Variants in SLC4A10 observed in about 807,000 individuals in gnomAD.
SLC4A10 encodes the protein solute carrier family 4 member 10.
In SLC4A10, 42 loss-of-function variants were observed where a neutral mutation model predicts 137.7. The observed-to-expected ratio is 0.30, with a 90% confidence interval of 0.24 to 0.39. The LOEUF (loss-of-function observed/expected upper bound fraction) is 0.39. SLC4A10 is among the 10% of genes least tolerant of loss of function. The probability of loss-of-function intolerance (pLI) is 1.00; values close to 1 mark genes in which losing one functional copy is unlikely to be tolerated. For missense variants in SLC4A10, 925 were observed against 1,355.0 expected, an observed-to-expected ratio of 0.68 and a Z score of 4.98; for synonymous variants, 474 against 464.1, an observed-to-expected ratio of 1.02 and a Z score of -0.27.
rs183993722 is a variant in SLC4A10, at chr2:161,687,048, A to T, written c.48+62482A>T. On this transcript the variant is annotated intron_variant, in intron 1 of 26. Transcript: ENST00000446997. ...AGGCACACGCCACCATGCCCAGCAA[A>T]TTTTTTTTATTTTTAGGAGACACAG... Among the ~76,000 whole-genome samples the T allele has an allele frequency of 6.8e-3, 1,033 of 151,814 alleles. 11 individuals carry two copies. The highest frequency in any genetic ancestry group is 0.023 in the African/African-American group (965 of 41,406).
intron 1 of SLC4A10, among the ~76,000 whole-genome samples, chr2:161,652,687 A>C (rs150713608): frequency 3.1e-3 from 465 of 152,218 alleles, no homozygotes; most frequent in African/African-American, 0.01. Context: ...TGGGTAGCAG[A>C]TGCCTAGAAA....
At chr2:161,972,819 G>A (rs111638031) in intron 23 of SLC4A10, among the ~76,000 whole-genome samples, 181 of 152,260 alleles carry the variant, frequency 1.2e-3, no homozygotes, top group Middle Eastern at 3.4e-3. Context: ...CAGCAGAGAG[G>A]GGCTTTCCTT....
chr2:161,726,225 G>A (rs1449536218), intron 1 of SLC4A10, among the ~76,000 whole-genome samples: 2 of 152,154 alleles, frequency 1.3e-5, no homozygotes, highest in Admixed American at 1.3e-4. Flanking sequence ...ATAATAGTAA[G>A]AGTAACTATC....
At chr2:161,869,845 T>C (rs2125916862) in intron 6 of SLC4A10, among the ~76,000 whole-genome samples, 1 of 151,630 alleles carries the variant, frequency 6.6e-6, no homozygotes, top group African/African-American at 2.4e-5. Context: ...ATAAACGATA[T>C]ACAATTTGTG....
chr2:161,978,065 G>A (rs186188279), intron 26 of SLC4A10, among the ~76,000 whole-genome samples: 53 of 152,126 alleles, frequency 3.5e-4, no homozygotes, highest in Admixed American at 2.1e-3. Context: ...TTCTGGATAG[G>A]GAAAATTAAA....
At position 161,974,327 on chromosome 2, in the gene SLC4A10, A is replaced by C; in HGVS notation, c.3227+11A>C. 6.3e-7 allele frequency: 1 copy of C among 1,592,384 alleles called. No homozygotes were observed. Among genetic ancestry groups the C allele is most frequent in the Non-Finnish European group, 8.6e-7 (1 of 1,168,634 alleles). On this transcript the variant is annotated intron_variant, in intron 24 of 26. Transcript: ENST00000446997. Reference sequence around the variant, plus strand: ...GGAAGGGCACTATAGGTAAGACATAAATTTAAAAACACATCAATTAAAGTA... The same window carrying C: ...GGAAGGGCACTATAGGTAAGACATACATTTAAAAACACATCAATTAAAGTA...
chr2:161,754,815 T>C (rs2125324625), intron 1 of SLC4A10, among the ~76,000 whole-genome samples: 1 of 152,324 alleles, frequency 6.6e-6, no homozygotes, highest in African/African-American at 2.4e-5. Flanking sequence ...GTTTTATCTA[T>C]TAAAAGAGCT....
Position 161,804,573 on chromosome 2 carries a change from T to C in SLC4A10, c.255T>C (p.Asp85=). 1 of 1,611,686 alleles carries C rather than the reference T, an allele frequency of 6.2e-7. No homozygotes were observed. Among genetic ancestry groups the C allele is most frequent in the Non-Finnish European group, 8.5e-7 (1 of 1,178,802 alleles). ...RDRERDSGLE[D]GRESPSFDTP... is the part of the protein sequence containing the mutation. ...GAGAAAGAGATTCAGGATTAGAGGATGGAAGGGAGTCACCTTCTTTTGGTA... is the reference window on the plus strand; with the variant it reads ...GAGAAAGAGATTCAGGATTAGAGGACGGAAGGGAGTCACCTTCTTTTGGTA... The change falls in exon 3 of 27, where the codon GAT becomes GAC. Residue 85 remains aspartate (D), a synonymous_variant. Transcript: ENST00000446997.
At chr2:161,951,450 C>T (rs1239602423) in intron 19 of SLC4A10, among the ~76,000 whole-genome samples, 2 of 152,044 alleles carry the variant, frequency 1.3e-5, no homozygotes, top group Non-Finnish European at 2.9e-5. Flanking sequence ...TGTGAATAAT[C>T]GAAATTGTTC....
At position 161,653,913 on chromosome 2, in the gene SLC4A10, C is replaced by T. The variant is rs370978004; in HGVS notation, c.48+29347C>T. On this transcript the variant is annotated intron_variant, in intron 1 of 26. Coordinates refer to ENST00000446997, the MANE Select transcript of SLC4A10 (RefSeq NM_001178015.2). The stretch of plus-strand genomic sequence containing the variant: ...ATTTCATTTCCTTTGGATACATACT[C>T]AGAAGTGGGATTGCTGGATTATATT... 3.0e-4 allele frequency among the ~76,000 whole-genome samples: 46 copies of T among 152,316 alleles called. No individual in the cohort carries two copies. In the South Asian group the frequency reaches 5.4e-3, roughly 18 times the overall value.
chr2:161,802,270 A>AT (rs1007067672), intron 2 of SLC4A10, among the ~76,000 whole-genome samples: 4 of 152,022 alleles, frequency 2.6e-5, no homozygotes, highest in Non-Finnish European at 5.9e-5. Context: ...ATAATATCGG[A>AT]TTTTTTTCCA....
intron 6 of SLC4A10, among the ~76,000 whole-genome samples, chr2:161,866,770 A>G (rs1297758503): frequency 6.6e-6 from 1 of 151,884 alleles, no homozygotes; most frequent in East Asian, 1.9e-4. Context: ...TTTTATCAGT[A>G]TCTGTATTTA....
chr2:161,878,915 T>C (rs1466061245), intron 8 of SLC4A10, among the ~76,000 whole-genome samples: 1 of 152,114 alleles, frequency 6.6e-6, no homozygotes, highest in Middle Eastern at 3.2e-3. Context: ...TAAATAGAAG[T>C]ACCAGAGTAC....
At chr2:161,783,286 G>C (rs902244616) in intron 2 of SLC4A10, among the ~76,000 whole-genome samples, 2 of 151,868 alleles carry the variant, frequency 1.3e-5, no homozygotes, top group Non-Finnish European at 2.9e-5. Context: ...AATCATGAAA[G>C]AGAGATAAAG....
At chr2:161,893,377 T>C (rs1024751145) in intron 10 of SLC4A10, among the ~76,000 whole-genome samples, 3 of 152,214 alleles carry the variant, frequency 2.0e-5, no homozygotes, top group Admixed American at 1.3e-4. Context: ...TTCTGCACCC[T>C]TGAACTTAAC....
chr2:161,947,861 G>A (rs1423587570), intron 17 of SLC4A10, 134 bp downstream of exon 17: 2 of 976,742 alleles, frequency 2.0e-6, no homozygotes, highest in Non-Finnish European at 3.0e-6. Flanking sequence ...TGAGATGAGG[G>A]GCTGAAGAGA....
At chr2:161,880,468 G>A (rs150417027) in intron 9 of SLC4A10, among the ~76,000 whole-genome samples, 2 of 152,192 alleles carry the variant, frequency 1.3e-5, no homozygotes, top group African/African-American at 4.8e-5. Flanking sequence ...GGATTCAGTG[G>A]TTAAGTACCT....
intron 5 of SLC4A10, among the ~76,000 whole-genome samples, chr2:161,862,442 C>T (rs1279265181): frequency 6.6e-6 from 1 of 152,084 alleles, no homozygotes; most frequent in Non-Finnish European, 1.5e-5. Context: ...AAGTATAAAA[C>T]CAATTTTCAA....
chr2:161,728,630 A>G (rs775369937), intron 1 of SLC4A10, among the ~76,000 whole-genome samples: 4 of 152,320 alleles, frequency 2.6e-5, no homozygotes, highest in Admixed American at 6.5e-5. Context: ...CTTAAAAATT[A>G]ATGAAGTAAT....
Sources: gnomAD v4.1 joint callset for allele counts (sites outside exome capture counted in the v4.1 genomes callset) on GRCh38, gnomAD v4.1.1 for gene constraint, MANE v1.5 for transcripts, NCBI Gene and HGNC (gene_info 2026-07-23, HGNC 2026-07-21) for gene names.